The following COQ7 variants were observed in gnomAD, a reference collection of about 807,000 sequenced individuals.
The protein encoded by COQ7 is NADPH-dependent 3-demethoxyubiquinone 3-hydroxylase, mitochondrial.
A neutral mutation model predicts 25.0 loss-of-function variants in COQ7; 21 were observed. The observed-to-expected ratio is 0.84, with a 90% CI of 0.60 to 1.21. The LOEUF is 1.21. Among genes scored for constraint, COQ7 ranks in the 50% most tolerant of loss-of-function variants. The pLI is 0.00. For missense variants in COQ7, 311 were observed against 296.2 expected (o/e 1.05, Z -0.37); for synonymous variants, 125 against 112.4 (o/e 1.11, Z -0.71).
At chr16:19,068,871 A>G (rs1962393791) in intron 1 of COQ7, 3 of 442,600 alleles carry the variant, frequency 6.8e-6, no homozygotes, top group South Asian at 4.9e-5. Flanking sequence ...GCCACTTGCC[A>G]CAAATGGGTG....
At chr16:19,072,519 T>G (rs183286573) in intron 2 of COQ7, 1 of 163,872 alleles carries the variant, frequency 6.1e-6, no homozygotes, top group East Asian at 1.7e-4. Context: ...ACATTTTGGC[T>G]CTCTCCCACC....
intron 1 of COQ7, chr16:19,068,954 AG>A: frequency 2.4e-6 from 1 of 421,646 alleles, no homozygotes; most frequent in East Asian, 7.3e-5. Flanking sequence ...TCTGTTACAA[AG>A]GGGAAATTAG....
Position 19,075,450 on chromosome 16 carries a change from C to T in COQ7, c.368-271C>T, listed in dbSNP as rs528177457. ...CCTGACCTCAGGTGATCCGCCTCGG[C>T]CTCCCAAAGTGCTGGGACTATAGGC... On this transcript the variant is annotated intron_variant, in intron 3 of 5. Transcript: ENST00000321998. Among the ~76,000 whole-genome samples the T allele has an allele frequency of 9.5e-4, 126 of 132,890 alleles. 2 individuals carry two copies. The Admixed American group carries it at 9.6e-3, about 10-fold the overall frequency. The allele number at this position is 132,890 out of a possible 152,430, so 87.2% of individuals were successfully genotyped here.
intron 1 of COQ7, among the ~76,000 whole-genome samples, chr16:19,069,198 TTAAAG>T (rs1442926842): frequency 4.6e-5 from 7 of 152,160 alleles, no homozygotes; most frequent in African/African-American, 1.4e-4. Context: ...CAATTTTACT[TTAAAG>T]TATATGGTAA....
At chr16:19,071,288 A>C (rs1962544593) in intron 1 of COQ7, among the ~76,000 whole-genome samples, 1 of 152,246 alleles carries the variant, frequency 6.6e-6, no homozygotes, top group African/African-American at 2.4e-5. Flanking sequence ...GGCACACGCC[A>C]ACACACCCAG....
chr16:19,067,821 C>T (rs1427378072), intron 1 of COQ7, 84 bp downstream of exon 1: 4 of 1,541,412 alleles, frequency 2.6e-6, no homozygotes, highest in African/African-American at 1.5e-5. Flanking sequence ...GAAGAGGTCA[C>T]GGGGGAGAGG....
At chr16:19,067,953 G>T in intron 1 of COQ7, 5 of 1,435,542 alleles carry the variant, frequency 3.5e-6, no homozygotes, top group Non-Finnish European at 4.5e-6. Context: ...GGTTGTTTCG[G>T]CAGTGACGCC....
downstream of COQ7, among the ~76,000 whole-genome samples, chr16:19,081,766 G>C (rs1963103318): frequency 6.6e-6 from 1 of 152,180 alleles, no homozygotes; most frequent in Admixed American, 6.5e-5. Flanking sequence ...GAAGACTGGA[G>C]AGTTTCAAAA....
chr16:19,072,466 G>C (rs1323890453), intron 2 of COQ7: 3 of 199,408 alleles, frequency 1.5e-5, no homozygotes, highest in Non-Finnish European at 3.1e-5. Flanking sequence ...ATCCCAAGAG[G>C]CTATGGGAGG....
At chr16:19,072,402 C>G in intron 2 of COQ7, 1 of 358,218 alleles carries the variant, frequency 2.8e-6, no homozygotes, top group Non-Finnish European at 5.2e-6. Flanking sequence ...GCACAGCAGT[C>G]AACTGTGCTG....
downstream of COQ7, among the ~76,000 whole-genome samples, chr16:19,081,042 G>C (rs1204351851): frequency 2.0e-5 from 3 of 152,064 alleles, no homozygotes; most frequent in African/African-American, 7.2e-5. Flanking sequence ...AACTGAATGG[G>C]CTGAACTAAT....
intron 2 of COQ7, 151 bp downstream of exon 2, chr16:19,072,257 C>CA (rs397933257): frequency 2.4e-6 from 2 of 822,204 alleles, no homozygotes; most frequent in East Asian, 5.3e-5. Context: ...AGATGGGGAG[C>CA]AAAAAGCATA....
In COQ7 at chr16:19,078,179, T is replaced by A. The variant is rs202044023; in HGVS notation, c.*21T>A. 3.1e-6 allele frequency: 5 copies of A among 1,590,684 alleles called. No individual in the cohort carries two copies. In the East Asian group the frequency reaches 1.1e-4, roughly 36 times the overall value. On this transcript the variant is annotated 3_prime_UTR_variant, in exon 6 of 6. Coordinates refer to ENST00000321998, the MANE Select transcript of COQ7 (RefSeq NM_016138.5). ...TATAAAGTGTGTCCAGTTTTGCCTG[T>A]CTATAAAAGATGATAGTAATTTACC...
chr16:19,070,797 A>G (rs1299098311), intron 1 of COQ7, among the ~76,000 whole-genome samples: 3 of 152,152 alleles, frequency 2.0e-5, no homozygotes, highest in Non-Finnish European at 2.9e-5. Flanking sequence ...TACCATTACA[A>G]ACTAAATGAC....
At chr16:19,075,542 C>A (rs1268926684) in intron 3 of COQ7, among the ~76,000 whole-genome samples, 179 bp from the exon 4 acceptor site, 1 of 152,172 alleles carries the variant, frequency 6.6e-6, no homozygotes, top group Non-Finnish European at 1.5e-5. Context: ...CTGCTGGCAT[C>A]TAGTTGGTAG....
chr16:19,069,679 G>A (rs1242674902), intron 1 of COQ7, among the ~76,000 whole-genome samples: 3 of 152,058 alleles, frequency 2.0e-5, no homozygotes, highest in Non-Finnish European at 4.4e-5. Context: ...CCAAAGTGCT[G>A]GGATTACAGG....
At chr16:19,077,596 T>TTTTTTTTTTTTTTTTTTTTTTTTC (rs1962922857) in intron 5 of COQ7, among the ~76,000 whole-genome samples, 1 of 126,186 alleles carries the variant, frequency 7.9e-6, no homozygotes, top group African/African-American at 2.8e-5. Flanking sequence ...GAAGCTTTTT[T>TTTTTTTTTTTTTTTTTTTTTTTTC]TTTTTTTTCC....
rs377280119 is a variant in COQ7, at chr16:19,073,914, C to T, written c.253-7C>T. 16 of 1,607,212 alleles carry T rather than the reference C, an allele frequency of 1.0e-5. No homozygotes were observed. Among genetic ancestry groups the T allele is most frequent in the South Asian group, 4.4e-5 (4 of 90,780 alleles). ...CTTGCATGTCTTTATTTTTATGTTT[C>T]TTGCAGAAAATGTGGGATCAAGAAA... On this transcript the variant is annotated splice_region_variant and splice_polypyrimidine_tract_variant and intron_variant, in intron 2 of 5. Coordinates refer to ENST00000321998, the MANE Select transcript of COQ7 (RefSeq NM_016138.5).
chr16:19,076,127 C>A (rs1962825980), intron 4 of COQ7, among the ~76,000 whole-genome samples: 2 of 152,036 alleles, frequency 1.3e-5, no homozygotes, highest in Admixed American at 6.6e-5. Context: ...TGCTCCGTTG[C>A]CCAGGCCGGA....
Sources: allele counts gnomAD v4.1 joint callset (sites outside exome capture counted in the v4.1 genomes callset), GRCh38; gene constraint gnomAD v4.1.1; transcripts MANE v1.5; gene names NCBI Gene and HGNC (gene_info 2026-07-23, HGNC 2026-07-21).